PLCB1: variants seen among roughly 807,000 people sequenced by gnomAD.
The protein encoded by PLCB1 is 1-phosphatidylinositol 4,5-bisphosphate phosphodiesterase beta-1.
PLCB1 carries 46 observed loss-of-function variants against 161.8 expected under a neutral mutation model. The ratio of observed to expected loss-of-function variants is 0.28; its 90% CI spans 0.22 to 0.36. The LOEUF is 0.36. Among genes scored for constraint, PLCB1 ranks in the 10% least tolerant of loss-of-function variants. PLCB1 has a pLI of 1.00. For missense variants in PLCB1, 1,016 were observed against 1,472.5 expected, an observed-to-expected ratio of 0.69 and a Z score of 5.07; for synonymous variants, 517 against 503.7, an observed-to-expected ratio of 1.03 and a Z score of -0.35.
chr20:8,710,637 T>A (rs1362145427), intron 12 of PLCB1, among the ~76,000 whole-genome samples: 1 of 150,454 alleles, frequency 6.6e-6, no homozygotes, highest in Non-Finnish European at 1.5e-5. Flanking sequence ...GCCTCAGCCT[T>A]CCGAGTAGCT....
At chr20:8,777,002 AAC>A (rs1365226716) in intron 27 of PLCB1, among the ~76,000 whole-genome samples, 2 of 152,176 alleles carry the variant, frequency 1.3e-5, no homozygotes, top group African/African-American at 4.8e-5. Flanking sequence ...GACAACAGCC[AAC>A]ACAGGGAGGA....
rs541266587 is a variant in PLCB1 at position 8,445,806 on chromosome 20, G to T, written c.246+74356G>T. Among the ~76,000 whole-genome samples, 857 of 151,980 alleles carry T rather than the reference G, an allele frequency of 5.6e-3. 8 individuals are homozygous for T. Among genetic ancestry groups the T allele is most frequent in the African/African-American group, 0.019 (791 of 41,422 alleles). On this transcript the variant is annotated intron_variant, in intron 3 of 31. Transcript: ENST00000338037. ...TCCTAGGTATTTTATTCTCTTTGAA[G>T]CAATTGTGAATGGGAGTTCACTCAT... is the stretch of plus-strand genomic sequence containing the variant.
chr20:8,553,938 G>A (rs1470265811), intron 3 of PLCB1, among the ~76,000 whole-genome samples: 1 of 151,980 alleles, frequency 6.6e-6, no homozygotes, highest in Non-Finnish European at 1.5e-5. Context: ...GCAAGCAGAG[G>A]TTGCAGTGAG....
rs149909304 is a variant in PLCB1, at chr20:8,267,329, C to T, written c.178-104053C>T. 3.7e-3 allele frequency among the ~76,000 whole-genome samples: 556 copies of T among 152,266 alleles called. 3 individuals carry two copies. The highest frequency in any genetic ancestry group is 0.017 in the Middle Eastern group (5 of 294). Reference sequence around the variant, plus strand: ...CTGCTCCTAGCCCACGGTTCACATCCCACCCACTGCCTTCTGCGGGGTAGC... The same window carrying T: ...CTGCTCCTAGCCCACGGTTCACATCTCACCCACTGCCTTCTGCGGGGTAGC... On this transcript the variant is annotated intron_variant, in intron 2 of 31. Coordinates refer to ENST00000338037, the MANE Select transcript of PLCB1 (RefSeq NM_015192.4).
At chr20:8,549,435 C>T (rs1483609772) in intron 3 of PLCB1, among the ~76,000 whole-genome samples, 2 of 152,172 alleles carry the variant, frequency 1.3e-5, no homozygotes, top group East Asian at 3.9e-4. Flanking sequence ...AGCTCATGCA[C>T]TTCCTGATAA....
At chr20:8,336,926 A>G (rs1024420998) in intron 2 of PLCB1, among the ~76,000 whole-genome samples, 1 of 152,042 alleles carries the variant, frequency 6.6e-6, no homozygotes, top group African/African-American at 2.4e-5. Flanking sequence ...TTAATGTTCA[A>G]AACAAATATT....
At chr20:8,521,828 A>T (rs1984359486) in intron 3 of PLCB1, among the ~76,000 whole-genome samples, 1 of 152,224 alleles carries the variant, frequency 6.6e-6, no homozygotes, top group Non-Finnish European at 1.5e-5. Context: ...ACAGATATAT[A>T]ACTAAACACC....
intron 2 of PLCB1, among the ~76,000 whole-genome samples, chr20:8,276,310 CT>C (rs1203470157): frequency 6.6e-6 from 1 of 152,058 alleles, no homozygotes; most frequent in African/African-American, 2.4e-5. Context: ...AAAATTTAAA[CT>C]TTTTTTGTGC....
At chr20:8,273,032 G>A (rs1446647193) in intron 2 of PLCB1, among the ~76,000 whole-genome samples, 2 of 152,088 alleles carry the variant, frequency 1.3e-5, no homozygotes, top group African/African-American at 4.8e-5. Context: ...GTAAAGCAAT[G>A]ACAATTAAAA....
chr20:8,722,315 GA>G, intron 14 of PLCB1, 38 bp from the exon 15 acceptor site: 1 of 1,481,658 alleles, frequency 6.7e-7, no homozygotes, highest in Non-Finnish European at 9.3e-7. Context: ...GCTAAATGTT[GA>G]AATGGTGACA....
chr20:8,383,754 G>A (rs1987335472), intron 3 of PLCB1, among the ~76,000 whole-genome samples: 1 of 152,188 alleles, frequency 6.6e-6, no homozygotes, highest in South Asian at 2.1e-4. Flanking sequence ...TGTCTGGAAA[G>A]GCTTTTATTT....
At chr20:8,387,256 C>T (rs1028723263) in intron 3 of PLCB1, among the ~76,000 whole-genome samples, 2 of 152,130 alleles carry the variant, frequency 1.3e-5, no homozygotes, top group African/African-American at 4.8e-5. Context: ...TAGCTTTTGA[C>T]TTAAAGTGAA....
At chr20:8,318,212 A>C (rs1169157741) in intron 2 of PLCB1, among the ~76,000 whole-genome samples, 1 of 152,166 alleles carries the variant, frequency 6.6e-6, no homozygotes, top group African/African-American at 2.4e-5. Context: ...TATGACTTCT[A>C]GGACTTAAAA....
chr20:8,232,714 T>C (rs1433364173), intron 2 of PLCB1, among the ~76,000 whole-genome samples: 1 of 152,206 alleles, frequency 6.6e-6, no homozygotes, highest in Non-Finnish European at 1.5e-5. Context: ...CAGTGTTACC[T>C]GATATGTCTT....
At chr20:8,575,587 T>G (rs1600163860) in intron 3 of PLCB1, among the ~76,000 whole-genome samples, 1 of 152,348 alleles carries the variant, frequency 6.6e-6, no homozygotes, top group Non-Finnish European at 1.5e-5. Flanking sequence ...TCCCCCGCTC[T>G]AGGGTTTTGG....
At chr20:8,868,008 T>G (rs193195968) in intron 31 of PLCB1, among the ~76,000 whole-genome samples, 22 of 152,330 alleles carry the variant, frequency 1.4e-4, no homozygotes, top group Non-Finnish European at 3.1e-4. Flanking sequence ...TATTTCCTTG[T>G]TTATTAGCAA....
At chr20:8,678,407 T>G (rs1990139240) in intron 9 of PLCB1, among the ~76,000 whole-genome samples, 2 of 152,214 alleles carry the variant, frequency 1.3e-5, no homozygotes, top group African/African-American at 4.8e-5. Context: ...TGCGTATTAT[T>G]TTGAGATACA....
At chr20:8,546,957 A>G (rs563472904) in intron 3 of PLCB1, among the ~76,000 whole-genome samples, 6 of 152,316 alleles carry the variant, frequency 3.9e-5, no homozygotes, top group African/African-American at 9.6e-5. Context: ...ATTTTGCTAC[A>G]TGTATCTGAA....
chr20:8,445,721 G>A (rs367685292), intron 3 of PLCB1, among the ~76,000 whole-genome samples: 16 of 151,572 alleles, frequency 1.1e-4, no homozygotes, highest in African/African-American at 1.5e-4. Context: ...CTTTTATTTC[G>A]TTGAGCAGTG....
Sources: gnomAD v4.1 joint callset for allele counts (sites outside exome capture counted in the v4.1 genomes callset) on GRCh38, gnomAD v4.1.1 for gene constraint, MANE v1.5 for transcripts, NCBI Gene and HGNC (gene_info 2026-07-23, HGNC 2026-07-21) for gene names.